TMEM108: variants seen among roughly 807,000 people sequenced by gnomAD.
TMEM108 encodes the protein transmembrane protein 108, also known as cancer/testis antigen 124.
TMEM108 carries 12 observed loss-of-function variants against 35.1 expected under a neutral mutation model. The ratio of observed to expected loss-of-function variants is 0.34; its 90% CI spans 0.22 to 0.55. TMEM108 has a LOEUF of 0.55. TMEM108 is among the 20% of genes least tolerant of loss of function. The pLI is 0.89. For missense variants in TMEM108, 680 were observed against 753.3 expected (o/e 0.90, Z 1.14); for synonymous variants, 287 against 308.6 (o/e 0.93, Z 0.73).
chr3:133,038,849 T>C (rs1478782692), intron 1 of TMEM108, among the ~76,000 whole-genome samples: 2 of 152,146 alleles, frequency 1.3e-5, no homozygotes, highest in Non-Finnish European at 2.9e-5. Context: ...AGAAGAAATG[T>C]AGTGTCACTT....
chr3:133,289,000 T>A (rs1947024720), intron 3 of TMEM108, among the ~76,000 whole-genome samples: 1 of 152,174 alleles, frequency 6.6e-6, no homozygotes, highest in African/African-American at 2.4e-5. Context: ...CCTCCCAAAG[T>A]GCTGGGATTA....
intron 2 of TMEM108, among the ~76,000 whole-genome samples, chr3:133,214,890 T>C (rs764252138): frequency 3.7e-4 from 56 of 152,094 alleles, no homozygotes; most frequent in Non-Finnish European, 6.8e-4. Flanking sequence ...AAGAATCTAA[T>C]GCCAGATGAT....
At chr3:133,086,010 C>A (rs904826808) in intron 2 of TMEM108, among the ~76,000 whole-genome samples, 1 of 152,150 alleles carries the variant, frequency 6.6e-6, no homozygotes, top group Non-Finnish European at 1.5e-5. Context: ...CTTCTAATTT[C>A]TGTCTTTGAC....
chr3:133,138,883 A>G (rs1323166930), intron 2 of TMEM108, among the ~76,000 whole-genome samples: 1 of 151,954 alleles, frequency 6.6e-6, no homozygotes, highest in Non-Finnish European at 1.5e-5. Context: ...GTTCATCTAC[A>G]TTAGATATTT....
At chr3:133,120,309 A>G (rs998777697) in intron 2 of TMEM108, among the ~76,000 whole-genome samples, 1 of 152,190 alleles carries the variant, frequency 6.6e-6, no homozygotes, top group African/African-American at 2.4e-5. Flanking sequence ...CAACCCATCT[A>G]TTCACTCATT....
At chr3:133,309,660 T>TTG (rs1262201348) in intron 3 of TMEM108, among the ~76,000 whole-genome samples, 1 of 149,658 alleles carries the variant, frequency 6.7e-6, no homozygotes, top group African/African-American at 2.4e-5. Flanking sequence ...TTCCGTGTAG[T>TTG]TATGCGGGTT....
chr3:133,342,995 T>C (rs1263649195), intron 3 of TMEM108, among the ~76,000 whole-genome samples: 1 of 151,854 alleles, frequency 6.6e-6, no homozygotes, highest in African/African-American at 2.4e-5. Flanking sequence ...ACACATTGTA[T>C]ACATGTATTG....
At chr3:133,338,343 G>A (rs1470573912) in intron 3 of TMEM108, among the ~76,000 whole-genome samples, 1 of 152,068 alleles carries the variant, frequency 6.6e-6, no homozygotes, top group Non-Finnish European at 1.5e-5. Flanking sequence ...TGAAGGTACA[G>A]TACATCTGGC....
At chr3:133,324,585 A>G (rs2071306556) in intron 3 of TMEM108, among the ~76,000 whole-genome samples, 1 of 152,226 alleles carries the variant, frequency 6.6e-6, no homozygotes, top group Non-Finnish European at 1.5e-5. Context: ...GTAAACTAGT[A>G]CAACCACTAT....
At chr3:133,081,492 T>C (rs541557080) in intron 2 of TMEM108, among the ~76,000 whole-genome samples, 18 of 152,328 alleles carry the variant, frequency 1.2e-4, no homozygotes, top group African/African-American at 4.1e-4. Flanking sequence ...CTTCAACATA[T>C]GAATTTGGGG....
chr3:133,129,348 AC>A (rs61441972), intron 2 of TMEM108, among the ~76,000 whole-genome samples: 3,571 of 101,738 alleles, frequency 0.035, 76 homozygotes, highest in African/African-American at 0.084. Flanking sequence ...CCGCACCCAC[AC>A]CCCCCCCCCC....
chr3:133,364,840 C>G (rs969873480), intron 3 of TMEM108, among the ~76,000 whole-genome samples: 6 of 152,188 alleles, frequency 3.9e-5, no homozygotes, highest in Non-Finnish European at 7.3e-5. Context: ...TCCAGAAGTA[C>G]TGCCAGAATC....
chr3:133,350,423 G>A (rs571130480), intron 3 of TMEM108, among the ~76,000 whole-genome samples: 3 of 151,934 alleles, frequency 2.0e-5, no homozygotes, highest in Non-Finnish European at 4.4e-5. Flanking sequence ...CTAGAAGAGA[G>A]GCTTGTGAAG....
chr3:133,249,273 A>G (rs966033182), intron 3 of TMEM108, among the ~76,000 whole-genome samples: 4 of 152,216 alleles, frequency 2.6e-5, no homozygotes, highest in African/African-American at 9.6e-5. Flanking sequence ...GAAACTGAGG[A>G]AATAAATAAA....
intron 3 of TMEM108, among the ~76,000 whole-genome samples, chr3:133,322,957 G>T (rs1397136928): frequency 6.6e-6 from 1 of 152,066 alleles, no homozygotes; most frequent in African/African-American, 2.4e-5. Flanking sequence ...ACAAAATCCA[G>T]CATCCTTTAT....
chr3:133,323,673 A>G (rs747672058), intron 3 of TMEM108, among the ~76,000 whole-genome samples: 7 of 152,138 alleles, frequency 4.6e-5, no homozygotes, highest in Non-Finnish European at 1.0e-4. Context: ...TAGAAAAAAT[A>G]ATCCTAAAAT....
chr3:133,239,754 C>T (rs1455663352), intron 3 of TMEM108, among the ~76,000 whole-genome samples: 1 of 152,166 alleles, frequency 6.6e-6, no homozygotes, highest in Admixed American at 6.5e-5. Flanking sequence ...AAGGGCTATC[C>T]AGGAGCAGGA....
intron 3 of TMEM108, among the ~76,000 whole-genome samples, chr3:133,276,542 G>A (rs1164169548): frequency 1.3e-5 from 2 of 152,186 alleles, no homozygotes; most frequent in African/African-American, 4.8e-5. Flanking sequence ...AAGCCCTTAA[G>A]AATCTTGTCA....
intron 1 of TMEM108, among the ~76,000 whole-genome samples, chr3:133,040,863 G>A (rs1205247993): frequency 6.6e-6 from 1 of 152,200 alleles, no homozygotes; most frequent in Non-Finnish European, 1.5e-5. Context: ...TCTGTCCCCT[G>A]GGTCAGGGAC....
Sources: gnomAD v4.1 joint callset for allele counts (sites outside exome capture counted in the v4.1 genomes callset) on GRCh38, gnomAD v4.1.1 for gene constraint, MANE v1.5 for transcripts, NCBI Gene and HGNC (gene_info 2026-07-23, HGNC 2026-07-21) for gene names.